The following ANKS1B variants were observed in gnomAD, a reference collection of about 807,000 sequenced individuals.
The protein encoded by ANKS1B is ankyrin repeat and sterile alpha motif domain-containing protein 1B.
A neutral mutation model predicts 148.3 loss-of-function variants in ANKS1B; 36 were observed. That is an observed-to-expected ratio of 0.24 (90% CI 0.19 to 0.32). The LOEUF is 0.32. ANKS1B is among the 10% of genes least tolerant of loss of function. The pLI is 1.00. For missense variants in ANKS1B, 1,157 were observed against 1,542.6 expected (o/e 0.75, Z 4.19); for synonymous variants, 542 against 560.8 (o/e 0.97, Z 0.47).
chr12:99,236,543 A>G (rs2712652), intron 14 of ANKS1B, among the ~76,000 whole-genome samples: 2 of 151,912 alleles, frequency 1.3e-5, no homozygotes, highest in Non-Finnish European at 2.9e-5. Context: ...CTGGGAACCA[A>G]CCCCATGATC....
intron 16 of ANKS1B, among the ~76,000 whole-genome samples, chr12:99,053,764 CT>C (rs2099967737): frequency 1.3e-5 from 2 of 152,170 alleles, no homozygotes; most frequent in Admixed American, 1.3e-4. Flanking sequence ...GGAATTTGTG[CT>C]TATGCAAGAC....
intron 12 of ANKS1B, 42 bp downstream of exon 12, chr12:99,399,589 T>C (rs758840098): frequency 1.3e-6 from 2 of 1,592,522 alleles, no homozygotes; most frequent in Admixed American, 3.5e-5. Context: ...AATACTTCAG[T>C]CTTAAAATAA....
intron 12 of ANKS1B, among the ~76,000 whole-genome samples, chr12:99,322,334 A>C (rs1470411748): frequency 1.3e-5 from 2 of 152,020 alleles, no homozygotes; most frequent in Non-Finnish European, 2.9e-5. Context: ...GGGGTGAACA[A>C]CACACACCAA....
At chr12:99,150,179 C>G (rs1325780771) in intron 15 of ANKS1B, among the ~76,000 whole-genome samples, 1 of 152,136 alleles carries the variant, frequency 6.6e-6, no homozygotes, top group Non-Finnish European at 1.5e-5. Flanking sequence ...GGAGGTCCAC[C>G]TACAACAATC....
intron 4 of ANKS1B, among the ~76,000 whole-genome samples, chr12:99,790,930 C>A (rs2065569698): frequency 6.6e-6 from 1 of 151,782 alleles, no homozygotes; most frequent in African/African-American, 2.4e-5. Context: ...TACTTATCAA[C>A]AATAACATTA....
At chr12:98,741,275 C>T (rs1208689737), downstream of ANKS1B, among the ~76,000 whole-genome samples, 1 of 152,306 alleles carries the variant, frequency 6.6e-6, no homozygotes, top group South Asian at 2.1e-4. Context: ...CTTTCTTTCT[C>T]CTGATGAGTA....
intron 8 of ANKS1B, among the ~76,000 whole-genome samples, chr12:99,750,930 ATTACC>A (rs1400253840): frequency 1.3e-5 from 2 of 152,024 alleles, no homozygotes. Flanking sequence ...AATAGCTAGT[ATTACC>A]TTAACTAATA....
chr12:99,122,997 A>T (rs71440827), intron 15 of ANKS1B, among the ~76,000 whole-genome samples: 100,775 of 140,834 alleles, frequency 0.72, 36,427 homozygotes, highest in East Asian at 0.91. Flanking sequence ...TTAAAAAAAA[A>T]ATATATATAT....
At chr12:98,818,524 A>G (rs1297003414) in intron 19 of ANKS1B, among the ~76,000 whole-genome samples, 1 of 152,132 alleles carries the variant, frequency 6.6e-6, no homozygotes, top group Non-Finnish European at 1.5e-5. Flanking sequence ...ATTTGAGTCA[A>G]TTGGGATCAT....
At chr12:99,160,767 C>G (rs550143545) in intron 14 of ANKS1B, among the ~76,000 whole-genome samples, 27 of 152,280 alleles carry the variant, frequency 1.8e-4, no homozygotes, top group African/African-American at 6.3e-4. Context: ...CGCAAGCCAG[C>G]TATCCCAGCA....
intron 12 of ANKS1B, among the ~76,000 whole-genome samples, chr12:99,309,637 G>A (rs1324295948): frequency 2.6e-5 from 4 of 151,902 alleles, no homozygotes; most frequent in African/African-American, 9.7e-5. Flanking sequence ...AAATATACAT[G>A]CATATAAAAT....
At chr12:99,261,055 A>T (rs943817082) in intron 12 of ANKS1B, among the ~76,000 whole-genome samples, 1 of 152,174 alleles carries the variant, frequency 6.6e-6, no homozygotes, top group Non-Finnish European at 1.5e-5. Flanking sequence ...AGAAATATTA[A>T]CCTAAAGTAA....
At chr12:98,793,838 G>C (rs1403108866) in intron 22 of ANKS1B, among the ~76,000 whole-genome samples, 2 of 152,164 alleles carry the variant, frequency 1.3e-5, no homozygotes, top group Admixed American at 1.3e-4. Context: ...ATGCATTACT[G>C]TATATTAGTG....
At chr12:99,871,402 T>G (rs2091498731) in intron 1 of ANKS1B, among the ~76,000 whole-genome samples, 1 of 152,202 alleles carries the variant, frequency 6.6e-6, no homozygotes, top group African/African-American at 2.4e-5. Flanking sequence ...GGCTCTTTTT[T>G]TAGTTCCACA....
intron 12 of ANKS1B, among the ~76,000 whole-genome samples, chr12:99,394,918 C>A (rs2094195849): frequency 6.6e-6 from 1 of 152,134 alleles, no homozygotes; most frequent in Non-Finnish European, 1.5e-5. Context: ...CACTGTTTAC[C>A]AAACCTTCTC....
chr12:99,855,655 G>A (rs1052827940), intron 1 of ANKS1B, among the ~76,000 whole-genome samples: 2 of 152,180 alleles, frequency 1.3e-5, no homozygotes, highest in East Asian at 3.9e-4. Flanking sequence ...TAGGCCATAT[G>A]ATAGACCACA....
intron 6 of ANKS1B, among the ~76,000 whole-genome samples, chr12:99,778,169 C>T (rs2063872799): frequency 6.6e-6 from 1 of 151,452 alleles, no homozygotes; most frequent in South Asian, 2.1e-4. Context: ...CACTGCACTC[C>T]AGCCTGGGTG....
At position 99,052,228 on chromosome 12, in the gene ANKS1B, T is replaced by A. The variant is rs2099966569; in HGVS notation, c.2778+929A>T. On this transcript the variant is annotated intron_variant, in intron 17 of 26. Coordinates refer to ENST00000683438, the MANE Select transcript of ANKS1B (RefSeq NM_001352186.2). ...AAAGTATCAAAGTCATGTATGCAGATTCAGTTGATCTCTTTGGGCTTGACT... is the reference window on the plus strand; with the variant it reads ...AAAGTATCAAAGTCATGTATGCAGAATCAGTTGATCTCTTTGGGCTTGACT... 3.9e-5 allele frequency among the ~76,000 whole-genome samples: 6 copies of A among 152,364 alleles called. No homozygotes were observed. In the South Asian group the frequency reaches 1.2e-3, roughly 32 times the overall value.
intron 8 of ANKS1B, among the ~76,000 whole-genome samples, chr12:99,664,416 T>C (rs995792377): frequency 6.6e-6 from 1 of 151,818 alleles, no homozygotes; most frequent in African/African-American, 2.4e-5. Context: ...TAATGCAAAA[T>C]AGAAAGAAAA....
Sources: allele counts gnomAD v4.1 joint callset (sites outside exome capture counted in the v4.1 genomes callset), GRCh38; gene constraint gnomAD v4.1.1; transcripts MANE v1.5; gene names NCBI Gene and HGNC (gene_info 2026-07-23, HGNC 2026-07-21).